The following PDE1A variants were observed in gnomAD, a reference collection of about 807,000 sequenced individuals.
The protein encoded by PDE1A is phosphodiesterase 1A.
A neutral mutation model predicts 61.7 loss-of-function variants in PDE1A; 35 were observed. The ratio of observed to expected loss-of-function variants is 0.57; its 90% CI spans 0.43 to 0.75. PDE1A has a LOEUF of 0.75. PDE1A is among the 30% of genes least tolerant of loss of function. PDE1A has a pLI of 0.00. For missense variants in PDE1A, 597 were observed against 630.6 expected, an observed-to-expected ratio of 0.95 and a Z score of 0.57; for synonymous variants, 232 against 213.2, an observed-to-expected ratio of 1.09 and a Z score of -0.77.
At chr2:182,555,478 T>C in the PDE1A span, among the ~76,000 whole-genome samples, 1 of 152,314 alleles carries the variant, frequency 6.6e-6, no homozygotes, top group East Asian at 1.9e-4. Context: ...TTTTTTAAAA[T>C]GTCTTTTATG....
At chr2:182,562,123 C>T in the PDE1A span, among the ~76,000 whole-genome samples, 3 of 151,786 alleles carry the variant, frequency 2.0e-5, no homozygotes, top group African/African-American at 7.3e-5. Context: ...GAGGGCATCC[C>T]TGTCTTGTGC....
intron 1 of PDE1A, among the ~76,000 whole-genome samples, chr2:182,282,789 T>C (rs1324253784): frequency 6.6e-6 from 1 of 152,052 alleles, no homozygotes; most frequent in Non-Finnish European, 1.5e-5. Context: ...ATAAATCTGT[T>C]AGTCCTCAAT....
At chr2:182,389,007 A>G (rs1055067323) in intron 1 of PDE1A, among the ~76,000 whole-genome samples, 1 of 152,124 alleles carries the variant, frequency 6.6e-6, no homozygotes, top group Non-Finnish European at 1.5e-5. Flanking sequence ...ACTATGAACA[A>G]TTGTAAAAGA....
chr2:182,304,092 G>T (rs190717784), intron 1 of PDE1A, among the ~76,000 whole-genome samples: 1 of 151,966 alleles, frequency 6.6e-6, no homozygotes, highest in Non-Finnish European at 1.5e-5. Context: ...GTAGAGACAC[G>T]GTTTCACCAC....
At chr2:182,454,787 T>C (rs945092311) in intron 2 of PDE1A, among the ~76,000 whole-genome samples, 34 of 151,990 alleles carry the variant, frequency 2.2e-4, no homozygotes, top group Non-Finnish European at 3.1e-4. Flanking sequence ...ATGAAAGACT[T>C]ACATGTTAGA....
the PDE1A span, among the ~76,000 whole-genome samples, chr2:182,543,269 T>C: frequency 1.3e-5 from 2 of 152,224 alleles, no homozygotes; most frequent in Non-Finnish European, 2.9e-5. Context: ...AAAAATGCCC[T>C]GGAAATGAAA....
chr2:182,515,421 AC>A (rs946184216), intron 2 of PDE1A, among the ~76,000 whole-genome samples: 5 of 152,224 alleles, frequency 3.3e-5, no homozygotes, highest in African/African-American at 1.2e-4. Context: ...TAAATTAATA[AC>A]TTTTCCATGG....
chr2:182,378,376 G>A (rs77119827), intron 1 of PDE1A, among the ~76,000 whole-genome samples: 3,661 of 152,068 alleles, frequency 0.024, 132 homozygotes, highest in African/African-American at 0.082. Flanking sequence ...AAACCTTTTT[G>A]GAAAGATAAA....
intron 2 of PDE1A, among the ~76,000 whole-genome samples, chr2:182,438,012 A>C (rs557899689): frequency 6.6e-6 from 1 of 151,932 alleles, no homozygotes; most frequent in Admixed American, 6.6e-5. Flanking sequence ...TGAGGTAATG[A>C]GTTATTTGTT....
the PDE1A span, among the ~76,000 whole-genome samples, chr2:182,632,342 A>G: frequency 6.6e-6 from 1 of 152,182 alleles, no homozygotes; most frequent in African/African-American, 2.4e-5. Flanking sequence ...ATGTTTTACA[A>G]TCGTTCTATG....
At chr2:182,260,879 G>A (rs1692172916) in intron 2 of PDE1A, among the ~76,000 whole-genome samples, 2 of 151,600 alleles carry the variant, frequency 1.3e-5, no homozygotes, top group African/African-American at 2.4e-5. Context: ...CATAGCCCAA[G>A]CCCTAGGGTC....
upstream of PDE1A, among the ~76,000 whole-genome samples, chr2:182,431,562 C>A (rs1389650149): frequency 6.6e-6 from 1 of 152,104 alleles, no homozygotes. Flanking sequence ...GAATCATTTT[C>A]GAGATAACTT....
intron 1 of PDE1A, among the ~76,000 whole-genome samples, chr2:182,336,979 A>AAAAAAAAAT (rs1697874450): frequency 1.3e-5 from 2 of 151,254 alleles, no homozygotes; most frequent in South Asian, 4.2e-4. Context: ...TTTTTTTTAA[A>AAAAAAAAAT]TAAAGAATAA....
the PDE1A span, among the ~76,000 whole-genome samples, chr2:182,701,183 T>C: frequency 1.4e-4 from 18 of 130,452 alleles, no homozygotes; most frequent in African/African-American, 2.4e-4. Context: ...TACAGTCGCC[T>C]GCCACCACGC....
the PDE1A span, among the ~76,000 whole-genome samples, chr2:182,679,682 T>A: frequency 6.6e-6 from 1 of 152,126 alleles, no homozygotes; most frequent in African/African-American, 2.4e-5. Flanking sequence ...AACACAAATA[T>A]AGACGTGAAC....
chr2:182,335,814 A>G (rs1697763470), intron 1 of PDE1A, among the ~76,000 whole-genome samples: 3 of 152,220 alleles, frequency 2.0e-5, no homozygotes, highest in African/African-American at 7.2e-5. Flanking sequence ...AGAAACTATC[A>G]TCAGCATGAA....
At chr2:182,178,115 C>T (rs1309708932) in intron 13 of PDE1A, among the ~76,000 whole-genome samples, 1 of 152,134 alleles carries the variant, frequency 6.6e-6, no homozygotes, top group Non-Finnish European at 1.5e-5. Context: ...ATAACAGGCT[C>T]ATGCCTATTT....
intron 1 of PDE1A, among the ~76,000 whole-genome samples, chr2:182,403,530 CGG>C (rs1702128107): frequency 2.0e-5 from 3 of 147,828 alleles, no homozygotes; most frequent in African/African-American, 7.5e-5. Context: ...ACCCGGGAGG[CGG>C]AGCTTGCAGT....
Position 182,256,689 on chromosome 2 carries a change from G to T in PDE1A, c.167+7612C>A, listed in dbSNP as rs201571111. 9.2e-5 allele frequency among the ~76,000 whole-genome samples: 14 copies of T among 152,266 alleles called. No individual in the cohort carries two copies. The East Asian group carries it at 2.7e-3, about 29-fold the overall frequency. On this transcript the variant is annotated intron_variant, in intron 2 of 13. Coordinates refer to ENST00000351439, the Ensembl canonical transcript of PDE1A. Reference sequence around the variant, plus strand: ...ATGGAATACTATGCAGCCATAAAAGGATGACTTCTTGACCTAATCTTTCTA... The same window carrying T: ...ATGGAATACTATGCAGCCATAAAAGTATGACTTCTTGACCTAATCTTTCTA...
Sources: allele counts gnomAD v4.1 joint callset (sites outside exome capture counted in the v4.1 genomes callset), GRCh38; gene constraint gnomAD v4.1.1; transcripts MANE v1.5; gene names NCBI Gene and HGNC (gene_info 2026-07-23, HGNC 2026-07-21).